Variants in ARID3A observed in about 807,000 individuals in gnomAD.
The protein encoded by ARID3A is AT-rich interactive domain-containing protein 3A.
Under a neutral mutation model 52.7 loss-of-function variants are expected in ARID3A, and 11 were observed. The observed-to-expected ratio is 0.21, with a 90% confidence interval of 0.13 to 0.35. The LOEUF (loss-of-function observed/expected upper bound fraction) is 0.35. ARID3A is among the 10% of genes least tolerant of loss of function. The pLI is 1.00. For missense variants in ARID3A, 721 were observed against 838.5 expected (o/e 0.86, Z 1.73); for synonymous variants, 404 against 359.4 (o/e 1.12, Z -1.40).
Position 966,929 on chromosome 19 carries a change from G to C in ARID3A, c.1495+61G>C, listed in dbSNP as rs1032546245. The C allele has an allele frequency of 1.7e-5, 26 of 1,519,614 alleles. No individual in the cohort carries two copies. In the East Asian group the frequency reaches 5.9e-4, roughly 35 times the overall value. The allele number at this position is 1,519,614 out of a possible 1,614,324, so 94.1% of individuals were successfully genotyped here. The stretch of plus-strand genomic sequence containing the variant: ...GCGTGTGTCACACAGTGAGGGCCTT[G>C]GAGCCTACATATGTAAAGAGTGCCA... On this transcript the variant is annotated intron_variant, in intron 7 of 8. Coordinates refer to ENST00000263620, the MANE Select transcript of ARID3A (RefSeq NM_005224.3).
At chr19:970,706 T>C (rs113334247) in intron 8 of ARID3A, among the ~76,000 whole-genome samples, 16,848 of 151,792 alleles carry the variant, frequency 0.11, 1,026 homozygotes, top group South Asian at 0.27. Flanking sequence ...AACTCCTGAC[T>C]TCGTGATCTG....
chr19:930,701 G>A (rs2037305408), intron 2 of ARID3A, among the ~76,000 whole-genome samples: 1 of 150,566 alleles, frequency 6.6e-6, no homozygotes, highest in African/African-American at 2.4e-5. Flanking sequence ...AGTAGAGACG[G>A]GGTTTCACCA....
Position 972,702 on chromosome 19 carries a change from G to C in ARID3A, c.*637G>C, listed in dbSNP as rs2038304140. On this transcript the variant is annotated 3_prime_UTR_variant, in exon 9 of 9. Coordinates refer to ENST00000263620, the MANE Select transcript of ARID3A (RefSeq NM_005224.3). ...GTGTAAATATTCTATTTTATTCTTG[G>C]GGGGATCAAACCTTAGGAAAAGGAT... is the stretch of plus-strand genomic sequence containing the variant. The C allele has an allele frequency of 2.0e-5, 4 of 200,570 alleles. No homozygotes were observed. The East Asian group carries it at 2.9e-4, about 14-fold the overall frequency. The allele number at this position is 200,570 out of a possible 1,614,324, so 12.4% of individuals were successfully genotyped here.
chr19:940,923 G>C (rs960294556), intron 3 of ARID3A, among the ~76,000 whole-genome samples: 2 of 152,176 alleles, frequency 1.3e-5, no homozygotes, highest in South Asian at 4.1e-4. Context: ...GCGAGGGGTG[G>C]GTGGGTGCCC....
Position 944,494 on chromosome 19 carries a change from T to C in ARID3A, c.693+11752T>C, listed in dbSNP as rs1356184407. ...GTCGATGCCCCCAAACCTTGACCCA[T>C]CTCAGGGGCACCACGCTCACTGCTA... On this transcript the variant is annotated intron_variant, in intron 3 of 8. Coordinates refer to ENST00000263620, the MANE Select transcript of ARID3A (RefSeq NM_005224.3). The surrounding 1 kb of genome is among the most constrained non-coding windows in gnomAD (Gnocchi z 5.9). Among the ~76,000 whole-genome samples, 1 of 152,070 alleles carries C rather than the reference T, an allele frequency of 6.6e-6. No homozygotes were observed. Among genetic ancestry groups the C allele is most frequent in the Non-Finnish European group, 1.5e-5 (1 of 67,996 alleles).
In ARID3A at chr19:947,233, G is replaced by A. The variant is rs551020104; in HGVS notation, c.694-12859G>A. Among the ~76,000 whole-genome samples the A allele has an allele frequency of 2.6e-5, 4 of 152,314 alleles. No individual in the cohort carries two copies. The highest frequency in any genetic ancestry group is 4.4e-5 in the Non-Finnish European group (3 of 68,026). ...GTGTCTGTGTCTGCATCTGTGAAACGGGTTTCCTGGCAGATAGAGGGGCTG... is the reference window on the plus strand; with the variant it reads ...GTGTCTGTGTCTGCATCTGTGAAACAGGTTTCCTGGCAGATAGAGGGGCTG... On this transcript the variant is annotated intron_variant, in intron 3 of 8. Coordinates refer to ENST00000263620, the MANE Select transcript of ARID3A (RefSeq NM_005224.3). This position sits in a 1 kb window ranked among gnomAD's most constrained non-coding sequence, Gnocchi z 6.3.
chr19:943,893 C>T (rs1171430658), intron 3 of ARID3A, among the ~76,000 whole-genome samples: 1 of 152,078 alleles, frequency 6.6e-6, no homozygotes, highest in African/African-American at 2.4e-5. Flanking sequence ...TGCTGTATGC[C>T]AGCCCGACCC....
intron 2 of ARID3A, among the ~76,000 whole-genome samples, chr19:930,805 G>A (rs746126357): frequency 8.6e-4 from 127 of 147,738 alleles, no homozygotes; most frequent in African/African-American, 1.4e-3. Context: ...CACCACACCC[G>A]GCCAACTTTG....
At position 975,324 on chromosome 19, in the gene ARID3A, CGTAA is replaced by C; in HGVS notation, c.*3262_*3265del. 1 of 187,692 alleles carries C rather than the reference CGTAA, an allele frequency of 5.3e-6. No homozygotes were observed. The highest frequency in any genetic ancestry group is 1.1e-5 in the Non-Finnish European group (1 of 90,504). The allele number at this position is 187,692 out of a possible 1,614,324, so 11.6% of individuals were successfully genotyped here. On this transcript the variant is annotated 3_prime_UTR_variant, in exon 9 of 9. Coordinates refer to ENST00000263620, the MANE Select transcript of ARID3A (RefSeq NM_005224.3). Reference sequence around the variant, plus strand: ...GGCTTCTGGAACCTTCCGTGGGACCCGTAAGTGGCTGTCCAGAAAGGCGGGAGGG... The same window carrying C: ...GGCTTCTGGAACCTTCCGTGGGACCCGTGGCTGTCCAGAAAGGCGGGAGGG...
intron 3 of ARID3A, among the ~76,000 whole-genome samples, chr19:950,889 C>T (rs1223902172): frequency 1.3e-5 from 2 of 152,040 alleles, no homozygotes; most frequent in Admixed American, 1.3e-4. Flanking sequence ...ATGGCACGAT[C>T]TCAGCTCACC....
At position 942,123 on chromosome 19, in the gene ARID3A, T is replaced by G. The variant is rs1194028465; in HGVS notation, c.693+9381T>G. Among the ~76,000 whole-genome samples the G allele has an allele frequency of 2.6e-5, 4 of 152,118 alleles. No homozygotes were observed. Among genetic ancestry groups the G allele is most frequent in the African/African-American group, 7.2e-5 (3 of 41,426 alleles). On this transcript the variant is annotated intron_variant, in intron 3 of 8. Coordinates refer to ENST00000263620, the MANE Select transcript of ARID3A (RefSeq NM_005224.3). The surrounding 1 kb of genome is among the most constrained non-coding windows in gnomAD (Gnocchi z 8.1). Reference sequence around the variant, plus strand: ...GCTCTGGAGCCAGCCTAGCCGATGATGGAGCCCCAGTGGCCACCGAGCTAT... The same window carrying G: ...GCTCTGGAGCCAGCCTAGCCGATGAGGGAGCCCCAGTGGCCACCGAGCTAT...
At chr19:931,872 G>C (rs2037336433) in intron 2 of ARID3A, among the ~76,000 whole-genome samples, 2 of 152,128 alleles carry the variant, frequency 1.3e-5, no homozygotes, top group South Asian at 4.1e-4. Context: ...TGCCGTGGAG[G>C]GGCAGTGGCG....
intron 3 of ARID3A, among the ~76,000 whole-genome samples, chr19:946,051 G>A (rs1345923359): frequency 1.3e-5 from 2 of 152,088 alleles, no homozygotes. Flanking sequence ...AGGGAAAAAT[G>A]AGGCTCGCGG....
rs941003410 is a variant in ARID3A at position 960,694 on chromosome 19, G to A, written c.766+530G>A. Among the ~76,000 whole-genome samples, 2 of 152,096 alleles carry A rather than the reference G, an allele frequency of 1.3e-5. No individual in the cohort carries two copies. Among genetic ancestry groups the A allele is most frequent in the Non-Finnish European group, 2.9e-5 (2 of 68,024 alleles). ...CACCAGGGCCTCAGTTTCCCCATCT[G>A]TAAAAACGGGCCACAAACAGTCCCT... On this transcript the variant is annotated intron_variant, in intron 4 of 8. Transcript: ENST00000263620. The surrounding 1 kb of genome is among the most constrained non-coding windows in gnomAD (Gnocchi z 4.3).
At chr19:957,318 G>T (rs62132352) in intron 3 of ARID3A, among the ~76,000 whole-genome samples, 97 of 152,176 alleles carry the variant, frequency 6.4e-4, no homozygotes, top group Non-Finnish European at 1.1e-3. Flanking sequence ...CAGGAGGACC[G>T]GGATGGGAAG....
rs1248528152 is a variant in ARID3A at position 942,608 on chromosome 19, G to T, written c.693+9866G>T. ...GCCCCTTGGTCAGGGCTGGGCTGGG[G>T]GTCCGTGGGCACAGGTGGGTGGGCA... On this transcript the variant is annotated intron_variant, in intron 3 of 8. Transcript: ENST00000263620. This position sits in a 1 kb window ranked among gnomAD's most constrained non-coding sequence, Gnocchi z 8.1. 2.0e-5 allele frequency among the ~76,000 whole-genome samples: 3 copies of T among 152,218 alleles called. No individual in the cohort carries two copies. The South Asian group carries it at 6.2e-4, about 31-fold the overall frequency.
chr19:970,576 C>T (rs532834755), intron 8 of ARID3A, among the ~76,000 whole-genome samples: 11 of 138,376 alleles, frequency 7.9e-5, no homozygotes, highest in African/African-American at 2.7e-4. Flanking sequence ...GGCATGATCT[C>T]AGCTCCTGCA....
At position 942,612 on chromosome 19, in the gene ARID3A, C is replaced by T. The variant is rs1015174752; in HGVS notation, c.693+9870C>T. ...CTTGGTCAGGGCTGGGCTGGGGGTC[C>T]GTGGGCACAGGTGGGTGGGCAGGGA... On this transcript the variant is annotated intron_variant, in intron 3 of 8. Coordinates refer to ENST00000263620, the MANE Select transcript of ARID3A (RefSeq NM_005224.3). The surrounding 1 kb of genome is among the most constrained non-coding windows in gnomAD (Gnocchi z 8.1). Among the ~76,000 whole-genome samples the T allele has an allele frequency of 2.6e-5, 4 of 152,168 alleles. No individual in the cohort carries two copies. The highest frequency in any genetic ancestry group is 5.9e-5 in the Non-Finnish European group (4 of 68,022).
rs767204634 is a variant in ARID3A at position 972,055 on chromosome 19, C to T, written c.1772C>T (p.Ser591Leu). 10 of 1,556,938 alleles carry T rather than the reference C, an allele frequency of 6.4e-6. No homozygotes were observed. Among genetic ancestry groups the T allele is most frequent in the African/African-American group, 2.8e-5 (2 of 71,694 alleles). The change falls in exon 9 of 9, where the codon TCG becomes TTG. Residue 591 changes from serine to leucine, a missense_variant. By Grantham distance (145) the Ser-to-Leu change is moderately radical (BLOSUM62 -2). This residue lies in a region of ARID3A where 297 missense variants were observed against 343.2 expected (regional missense o/e 0.87). Coordinates refer to ENST00000263620, the MANE Select transcript of ARID3A (RefSeq NM_005224.3). Reference sequence around the variant, plus strand: ...CCCTCCACATCTACCTCAAATAACTCGTTGCCTTAACCGCATCACTCCCCA... The same window carrying T: ...CCCTCCACATCTACCTCAAATAACTTGTTGCCTTAACCGCATCACTCCCCA... ...STPSTSTSNN[S>L]LP is the part of the protein sequence containing the mutation.
Sources: gnomAD v4.1 joint callset for allele counts (sites outside exome capture counted in the v4.1 genomes callset) on GRCh38, gnomAD v4.1.1 for gene constraint, gnomAD v4.1.1 regional missense constraint, Gnocchi (gnomAD v3.1) non-coding constraint, MANE v1.5 for transcripts, NCBI Gene and HGNC (gene_info 2026-07-23, HGNC 2026-07-21) for gene names.